Variants in LAMA2 observed in about 807,000 individuals in gnomAD.
The protein encoded by LAMA2 is laminin subunit alpha 2.
Under a neutral mutation model 364.8 loss-of-function variants are expected in LAMA2, and 269 were observed. That is an observed-to-expected ratio of 0.74 (90% CI 0.67 to 0.82). LAMA2 has a LOEUF of 0.82. Among genes scored for constraint, LAMA2 ranks in the 40% least tolerant of loss-of-function variants. The pLI, the probability that LAMA2 is intolerant of heterozygous loss-of-function variation, is 0.00. For synonymous variants in LAMA2, 1,379 were observed against 1,370.6 expected, an observed-to-expected ratio of 1.01 and a Z score of -0.14; for missense variants, 3,807 against 3,873.2, an observed-to-expected ratio of 0.98 and a Z score of 0.45.
At chr6:129,348,756 G>A (rs770379316) in intron 30 of LAMA2, among the ~76,000 whole-genome samples, 1 of 152,066 alleles carries the variant, frequency 6.6e-6, no homozygotes, top group Non-Finnish European at 1.5e-5. Context: ...GTAAAATGTA[G>A]TTTGAAATCT....
chr6:129,101,454 T>C (rs1263929743), intron 4 of LAMA2, among the ~76,000 whole-genome samples: 1 of 152,212 alleles, frequency 6.6e-6, no homozygotes, highest in Non-Finnish European at 1.5e-5. Flanking sequence ...ATGTAGAGAA[T>C]GCAGCTATCC....
chr6:129,356,221 A>C (rs1777145491), intron 32 of LAMA2, among the ~76,000 whole-genome samples: 1 of 152,080 alleles, frequency 6.6e-6, no homozygotes, highest in Admixed American at 6.6e-5. Flanking sequence ...ATCTGTGTCC[A>C]CGTTAGGAAC....
At chr6:129,428,855 C>G (rs1443907213) in intron 41 of LAMA2, among the ~76,000 whole-genome samples, 1 of 152,152 alleles carries the variant, frequency 6.6e-6, no homozygotes, top group Non-Finnish European at 1.5e-5. Flanking sequence ...AACATGGCTG[C>G]TCTCTATATG....
At chr6:128,893,818 T>C in intron 1 of LAMA2, among the ~76,000 whole-genome samples, 1 of 152,054 alleles carries the variant, frequency 6.6e-6, no homozygotes. Flanking sequence ...AACAATTACA[T>C]GTTGACAAAA....
At chr6:129,501,374 A>C (rs1785624072) in intron 58 of LAMA2, among the ~76,000 whole-genome samples, 1 of 152,174 alleles carries the variant, frequency 6.6e-6, no homozygotes, top group Non-Finnish European at 1.5e-5. Context: ...GCTCTTTATA[A>C]CTGACCATCT....
At chr6:129,184,313 A>G (rs1369617723) in intron 10 of LAMA2, among the ~76,000 whole-genome samples, 1 of 152,002 alleles carries the variant, frequency 6.6e-6, no homozygotes, top group African/African-American at 2.4e-5. Flanking sequence ...TTACAGATGT[A>G]GAATTTTTGG....
intron 19 of LAMA2, among the ~76,000 whole-genome samples, chr6:129,289,795 C>A (rs1171833962): frequency 6.6e-6 from 1 of 151,976 alleles, no homozygotes; most frequent in Non-Finnish European, 1.5e-5. Flanking sequence ...TTGACCATTA[C>A]CAGTTTTCAT....
Position 129,409,212 on chromosome 6 carries a change from C to T in LAMA2, c.5865+5253C>T, listed in dbSNP as rs755188940. 8.5e-5 allele frequency among the ~76,000 whole-genome samples: 13 copies of T among 152,308 alleles called. No individual in the cohort carries two copies. The South Asian group carries it at 2.7e-3, about 32-fold the overall frequency. On this transcript the variant is annotated intron_variant, in intron 40 of 64. Transcript: ENST00000421865. The stretch of plus-strand genomic sequence containing the variant: ...GATGTCCTAGAAAGGGGCTGTAGTG[C>T]TGCAGCTGTCCACTTTTGGGTGCTA...
chr6:129,458,188 T>C (rs1783067531), intron 48 of LAMA2, among the ~76,000 whole-genome samples: 1 of 152,048 alleles, frequency 6.6e-6, no homozygotes, highest in Non-Finnish European at 1.5e-5. Context: ...TGGTCTTCAC[T>C]CTCAACATCT....
Position 129,297,592 on chromosome 6 carries a change from C to T in LAMA2, c.2857-93C>T, listed in dbSNP as rs991002020. ...AGGAATCCTGATAACTCCTAAGTTC[C>T]TCTGTTCCCACCTGATCTTTGGTAT... On this transcript the variant is annotated intron_variant, in intron 20 of 64. Coordinates refer to ENST00000421865, the MANE Select transcript of LAMA2 (RefSeq NM_000426.4). 8 of 1,206,932 alleles carry T rather than the reference C, an allele frequency of 6.6e-6. No homozygotes were observed. The African/African-American group carries it at 1.1e-4, about 16-fold the overall frequency. The allele number at this position is 1,206,932 out of a possible 1,614,324, so 74.8% of individuals were successfully genotyped here. A position where few individuals can be genotyped will look rare whatever the true frequency, so the allele number is the denominator to read the frequency against.
chr6:129,375,775 A>G (rs938881965), intron 34 of LAMA2, among the ~76,000 whole-genome samples: 1 of 152,186 alleles, frequency 6.6e-6, no homozygotes, highest in Non-Finnish European at 1.5e-5. Flanking sequence ...GGCTGACTTC[A>G]TTCTCATGCT....
intron 4 of LAMA2, among the ~76,000 whole-genome samples, chr6:129,106,871 A>G (rs1467898902): frequency 8.7e-6 from 1 of 115,176 alleles, no homozygotes; most frequent in Admixed American, 8.3e-5. Flanking sequence ...CAAAAAAAAA[A>G]AAAAATATAT....
chr6:129,286,393 C>T (rs949703606), intron 18 of LAMA2, among the ~76,000 whole-genome samples: 7 of 150,484 alleles, frequency 4.7e-5, no homozygotes, highest in South Asian at 2.1e-4. Flanking sequence ...TATAAATAGG[C>T]GCTGCCTATA....
At position 129,208,550 on chromosome 6, in the gene LAMA2, GAGAA is replaced by G. The variant is rs57666672; in HGVS notation, c.1782+15709_1782+15712del. 7.8e-5 allele frequency among the ~76,000 whole-genome samples: 10 copies of G among 128,772 alleles called. 1 individual carries two copies. Among genetic ancestry groups the G allele is most frequent in the Admixed American group, 3.0e-4 (4 of 13,222 alleles). The allele number at this position is 128,772 out of a possible 152,430, so 84.5% of individuals were successfully genotyped here. ...GAAAGAAAGAGAGAAAGAAAAGGAA[GAGAA>G]AGAAAGAAAGAGAAAGAAAGAGAAA... On this transcript the variant is annotated intron_variant, in intron 12 of 64. Coordinates refer to ENST00000421865, the MANE Select transcript of LAMA2 (RefSeq NM_000426.4).
At chr6:129,425,101 TTGTC>T (rs567759150) in intron 40 of LAMA2, among the ~76,000 whole-genome samples, 124 of 152,128 alleles carry the variant, frequency 8.2e-4, no homozygotes, top group African/African-American at 2.8e-3. Flanking sequence ...AGATCAGTAT[TTGTC>T]TGGGGACAGA....
chr6:129,250,368 C>T (rs1393155853), intron 13 of LAMA2, among the ~76,000 whole-genome samples, 155 bp downstream of exon 13: 1 of 152,090 alleles, frequency 6.6e-6, no homozygotes, highest in Non-Finnish European at 1.5e-5. Context: ...TTTTGTTTCA[C>T]TCTGAGACAT....
intron 4 of LAMA2, among the ~76,000 whole-genome samples, chr6:129,129,993 A>C (rs1421123186): frequency 6.6e-6 from 1 of 152,148 alleles, no homozygotes; most frequent in East Asian, 1.9e-4. Context: ...GCAGAAGTAC[A>C]GATGTAGCTG....
chr6:129,512,325 C>G, intron 62 of LAMA2, 38 bp from the exon 63 acceptor site: 1 of 1,600,498 alleles, frequency 6.2e-7, no homozygotes, highest in Non-Finnish European at 8.6e-7. Flanking sequence ...CAATCCCCAT[C>G]CTCTAATCCA....
intron 11 of LAMA2, among the ~76,000 whole-genome samples, chr6:129,191,559 C>G (rs1041739205): frequency 6.6e-6 from 1 of 152,186 alleles, no homozygotes; most frequent in African/African-American, 2.4e-5. Flanking sequence ...GCTAGAGACA[C>G]AGAATCCCAT....
Sources: allele counts gnomAD v4.1 joint callset (sites outside exome capture counted in the v4.1 genomes callset), GRCh38; gene constraint gnomAD v4.1.1; transcripts MANE v1.5; gene names NCBI Gene and HGNC (gene_info 2026-07-23, HGNC 2026-07-21).